Variants in DOCK4 observed in about 807,000 individuals in gnomAD.
DOCK4 encodes the protein dedicator of cytokinesis protein 4.
In DOCK4, 97 loss-of-function variants were observed where a neutral mutation model predicts 268.1. The observed-to-expected ratio is 0.36, with a 90% CI of 0.31 to 0.43. The LOEUF is 0.43. Among genes scored for constraint, DOCK4 ranks in the 20% least tolerant of loss-of-function variants. DOCK4 has a pLI of 1.00. For synonymous variants in DOCK4, 954 were observed against 887.2 expected, an observed-to-expected ratio of 1.08 and a Z score of -1.34; for missense variants, 2,145 against 2,455.7, an observed-to-expected ratio of 0.87 and a Z score of 2.67.
intron 12 of DOCK4, among the ~76,000 whole-genome samples, chr7:111,934,288 T>C (rs1349308200): frequency 6.6e-6 from 1 of 152,212 alleles, no homozygotes; most frequent in African/African-American, 2.4e-5. Context: ...ATATGCTATA[T>C]AATGTAGTAT....
chr7:111,957,113 G>A lies in DOCK4; in HGVS notation c.702-11315C>T, dbSNP rs1005998946. ...GAAAATGTTAATGCTTATGAGAACA[G>A]GTATATTATTTTCTGTTGAAGTCTA... On this transcript the variant is annotated intron_variant, in intron 8 of 52. Coordinates refer to ENST00000428084, the MANE Select transcript of DOCK4 (RefSeq NM_001363540.2). 5.3e-5 allele frequency among the ~76,000 whole-genome samples: 8 copies of A among 152,152 alleles called. 1 individual carries two copies. The highest frequency in any genetic ancestry group is 8.8e-5 in the Non-Finnish European group (6 of 67,978).
rs190948299 is a variant in DOCK4, at chr7:111,830,751, C to T, written c.2835+3837G>A. 3.9e-5 allele frequency among the ~76,000 whole-genome samples: 6 copies of T among 152,102 alleles called. No individual in the cohort carries two copies. In the East Asian group the frequency reaches 1.2e-3, roughly 30 times the overall value. ...CAAAGTCTACACATCCAAACTTATCCCTCTTCTTCTTGAAACACTGCATAC... is the reference window on the plus strand; with the variant it reads ...CAAAGTCTACACATCCAAACTTATCTCTCTTCTTCTTGAAACACTGCATAC... On this transcript the variant is annotated intron_variant, in intron 26 of 52. Coordinates refer to ENST00000428084, the MANE Select transcript of DOCK4 (RefSeq NM_001363540.2).
chr7:111,994,301 A>C (rs570674700), intron 4 of DOCK4, 70 bp from the exon 5 acceptor site: 3 of 994,216 alleles, frequency 3.0e-6, no homozygotes, highest in Non-Finnish European at 4.4e-6. Context: ...AAATACTCTA[A>C]AAGATAACTA....
At chr7:111,781,202 A>G (rs558503491) in intron 35 of DOCK4, among the ~76,000 whole-genome samples, 90 of 152,354 alleles carry the variant, frequency 5.9e-4, no homozygotes, top group Non-Finnish European at 1.1e-3. Flanking sequence ...CTTTGGGGAA[A>G]GGTAAAGGCT....
intron 40 of DOCK4, 22 bp downstream of exon 40, chr7:111,760,159 C>T (rs747091359): frequency 1.9e-6 from 3 of 1,613,014 alleles, no homozygotes; most frequent in Non-Finnish European, 2.5e-6. Flanking sequence ...TCACTGAGTC[C>T]AGCCCTTGTA....
intron 2 of DOCK4, 133 bp downstream of exon 2, chr7:112,003,915 C>A: frequency 3.6e-6 from 2 of 550,296 alleles, no homozygotes; most frequent in Non-Finnish European, 3.1e-6. Flanking sequence ...ACTGAAAATG[C>A]AGGAAACAAT....
At chr7:112,161,704 G>A (rs1480465970) in intron 1 of DOCK4, among the ~76,000 whole-genome samples, 1 of 152,204 alleles carries the variant, frequency 6.6e-6, no homozygotes, top group East Asian at 1.9e-4. Flanking sequence ...AAGCTCTCCT[G>A]GGGATGACTT....
At chr7:111,983,851 C>CGCGTGT (rs1562961053) in intron 7 of DOCK4, among the ~76,000 whole-genome samples, 1 of 81,384 alleles carries the variant, frequency 1.2e-5, no homozygotes, top group African/African-American at 5.3e-5. Context: ...CACACGCGCG[C>CGCGTGT]GCGCGCGCGC....
chr7:112,024,795 T>C (rs752750480), intron 1 of DOCK4, among the ~76,000 whole-genome samples: 41 of 152,288 alleles, frequency 2.7e-4, no homozygotes, highest in Non-Finnish European at 5.0e-4. Context: ...CTGACAGACA[T>C]TCGTTATTTT....
intron 1 of DOCK4, among the ~76,000 whole-genome samples, chr7:112,188,860 T>A (rs974534171): frequency 1.3e-5 from 2 of 152,254 alleles, no homozygotes; most frequent in Non-Finnish European, 2.9e-5. Flanking sequence ...CTACTAAACT[T>A]ATTTTATCTT....
intron 49 of DOCK4, among the ~76,000 whole-genome samples, chr7:111,738,128 C>T (rs571359087): frequency 2.8e-4 from 42 of 152,318 alleles, no homozygotes; most frequent in African/African-American, 1.0e-3. Context: ...CTCAGGGCTA[C>T]CCATGAATCT....
chr7:111,898,116 C>T (rs1336197483), intron 15 of DOCK4, among the ~76,000 whole-genome samples: 2 of 152,142 alleles, frequency 1.3e-5, no homozygotes, highest in African/African-American at 4.8e-5. Context: ...ACTCCAAATC[C>T]TCTCGTGGTT....
chr7:111,994,767 G>T (rs2135254402), intron 4 of DOCK4, among the ~76,000 whole-genome samples: 1 of 152,176 alleles, frequency 6.6e-6, no homozygotes, highest in Non-Finnish European at 1.5e-5. Flanking sequence ...TTTATTATTT[G>T]CAAACTAGGA....
intron 1 of DOCK4, among the ~76,000 whole-genome samples, chr7:112,167,641 T>C (rs547185447): frequency 1.1e-3 from 175 of 152,330 alleles, no homozygotes; most frequent in Non-Finnish European, 1.8e-3. Flanking sequence ...TGCCCATCCC[T>C]CATGCTTATT....
intron 36 of DOCK4, among the ~76,000 whole-genome samples, chr7:111,772,153 G>A (rs897468538): frequency 1.1e-4 from 16 of 152,216 alleles, no homozygotes; most frequent in Admixed American, 4.6e-4. Flanking sequence ...GGGAAGATGA[G>A]AAAAGTTCTG....
intron 35 of DOCK4, among the ~76,000 whole-genome samples, chr7:111,780,248 A>T (rs1434101073): frequency 6.6e-6 from 1 of 151,956 alleles, no homozygotes; most frequent in Non-Finnish European, 1.5e-5. Context: ...ATTAAGTCAA[A>T]TGCATCATAA....
chr7:111,740,610 G>T (rs1285286032), intron 47 of DOCK4, among the ~76,000 whole-genome samples: 2 of 150,526 alleles, frequency 1.3e-5, no homozygotes, highest in Non-Finnish European at 3.0e-5. Context: ...GTACACACCT[G>T]TAATCCCAGC....
rs1480009441 is a variant in DOCK4 at position 112,075,111 on chromosome 7, T to C, written c.38-70980A>G. 2.6e-5 allele frequency among the ~76,000 whole-genome samples: 4 copies of C among 152,162 alleles called. No homozygotes were observed. The East Asian group carries it at 5.8e-4, about 22-fold the overall frequency. Reference sequence around the variant, plus strand: ...CTCCACTGATACACTATCTGTACTATGCTATAATAAATGTGGAAACACTGA... The same window carrying C: ...CTCCACTGATACACTATCTGTACTACGCTATAATAAATGTGGAAACACTGA... On this transcript the variant is annotated intron_variant, in intron 1 of 52. Transcript: ENST00000428084.
chr7:111,765,634 A>G (rs1215524391), intron 38 of DOCK4, among the ~76,000 whole-genome samples: 1 of 152,250 alleles, frequency 6.6e-6, no homozygotes, highest in Non-Finnish European at 1.5e-5. Flanking sequence ...ACTTTTCTAG[A>G]GAATTCTTGT....
Sources: gnomAD v4.1 joint callset for allele counts (sites outside exome capture counted in the v4.1 genomes callset) on GRCh38, gnomAD v4.1.1 for gene constraint, MANE v1.5 for transcripts, NCBI Gene and HGNC (gene_info 2026-07-23, HGNC 2026-07-21) for gene names.